AGBL1: variants seen among roughly 807,000 people sequenced by gnomAD.
AGBL1 encodes cytosolic carboxypeptidase 4.
A neutral mutation model predicts 118.9 loss-of-function variants in AGBL1; 130 were observed. The ratio of observed to expected loss-of-function variants is 1.09; its 90% confidence interval spans 0.95 to 1.26. The LOEUF is 1.26. Ranked by LOEUF, AGBL1 falls within the 50% of genes most tolerant of loss-of-function variation. The pLI, the probability that AGBL1 is intolerant of heterozygous loss-of-function variation, is 0.00. For synonymous variants in AGBL1, 555 were observed against 478.9 expected (o/e 1.16, Z -2.08); for missense variants, 1,584 against 1,298.1 (o/e 1.22, Z -3.38).
intron 17 of AGBL1, among the ~76,000 whole-genome samples, chr15:86,333,025 G>A (rs749164203): frequency 3.3e-5 from 5 of 152,076 alleles, no homozygotes; most frequent in Non-Finnish European, 5.9e-5. Flanking sequence ...AAAATCTTTG[G>A]TATATAGCAA....
At chr15:86,973,282 C>T (rs1453216008) in intron 23 of AGBL1, among the ~76,000 whole-genome samples, 1 of 152,010 alleles carries the variant, frequency 6.6e-6, no homozygotes, top group East Asian at 1.9e-4. Context: ...TATCATCTTC[C>T]TAATGATTTT....
At position 86,294,961 on chromosome 15, in the gene AGBL1, C is replaced by T. The variant is rs7497993; in HGVS notation, c.2221-294C>T. Among the ~76,000 whole-genome samples, 421 of 152,258 alleles carry T rather than the reference C, an allele frequency of 2.8e-3. 6 individuals carry two copies. Among genetic ancestry groups the T allele is most frequent in the African/African-American group, 9.4e-3 (392 of 41,548 alleles). On this transcript the variant is annotated intron_variant, in intron 16 of 22. Coordinates refer to ENST00000614907, the MANE Select transcript of AGBL1 (RefSeq NM_001386094.1). The stretch of plus-strand genomic sequence containing the variant: ...TCTGTGATTTCCTCGTATGTCACAG[C>T]GATAGGAAGAGGGCTTTATGCCCCT...
intron 7 of AGBL1, among the ~76,000 whole-genome samples, chr15:86,252,882 C>T (rs1308727716): frequency 6.6e-6 from 1 of 152,188 alleles, no homozygotes; most frequent in African/African-American, 2.4e-5. Context: ...AGCTACGCCA[C>T]ATCTGCCCTT....
chr15:86,268,609 A>AT (rs1227076645), intron 13 of AGBL1, among the ~76,000 whole-genome samples: 1 of 152,148 alleles, frequency 6.6e-6, no homozygotes, highest in Non-Finnish European at 1.5e-5. Flanking sequence ...TGGGTAAGGA[A>AT]TTTTTTATGA....
At chr15:86,111,927 C>T (rs1023983318) in intron 1 of AGBL1, among the ~76,000 whole-genome samples, 2 of 152,180 alleles carry the variant, frequency 1.3e-5, no homozygotes, top group African/African-American at 4.8e-5. Context: ...GCATTAGATT[C>T]TCATAGGAGC....
intron 9 of AGBL1, among the ~76,000 whole-genome samples, chr15:86,259,912 G>T (rs35283417): frequency 0.046 from 6,946 of 152,340 alleles, 193 homozygotes; most frequent in Middle Eastern, 0.099. Flanking sequence ...TGGGAGGGAG[G>T]GTGTTCAGAT....
At chr15:86,121,911 C>T (rs138722634) in intron 1 of AGBL1, among the ~76,000 whole-genome samples, 6 of 152,268 alleles carry the variant, frequency 3.9e-5, no homozygotes, top group Non-Finnish European at 5.9e-5. Flanking sequence ...TAAAATGAAA[C>T]AAATTTGGCT....
chr15:86,246,313 T>G (rs1321682992), intron 6 of AGBL1, among the ~76,000 whole-genome samples: 1 of 152,310 alleles, frequency 6.6e-6, no homozygotes, highest in African/African-American at 2.4e-5. Context: ...ACAGAAGTGT[T>G]TCTGTCGTTA....
chr15:86,788,834 G>A (rs1019142001), intron 22 of AGBL1, among the ~76,000 whole-genome samples: 20 of 152,188 alleles, frequency 1.3e-4, no homozygotes, highest in Admixed American at 1.1e-3. Context: ...AGAATCAGAC[G>A]TACAAAATTC....
At chr15:86,187,518 T>C (rs894341140) in intron 5 of AGBL1, among the ~76,000 whole-genome samples, 1 of 152,190 alleles carries the variant, frequency 6.6e-6, no homozygotes, top group African/African-American at 2.4e-5. Flanking sequence ...TCATTGACCC[T>C]AAGCAACTTT....
At chr15:86,166,084 A>G (rs973715307) in intron 5 of AGBL1, among the ~76,000 whole-genome samples, 3 of 152,190 alleles carry the variant, frequency 2.0e-5, no homozygotes, top group East Asian at 1.9e-4. Flanking sequence ...CATCTCCTTC[A>G]TCTTAAAATG....
intron 17 of AGBL1, among the ~76,000 whole-genome samples, chr15:86,327,766 C>T (rs1302789552): frequency 6.6e-6 from 1 of 152,138 alleles, no homozygotes; most frequent in Admixed American, 6.5e-5. Flanking sequence ...TACAAATGAA[C>T]CTTAGGCAGG....
At chr15:86,713,258 T>G (rs7163674) in intron 22 of AGBL1, among the ~76,000 whole-genome samples, 73,955 of 151,974 alleles carry the variant, frequency 0.49, 19,220 homozygotes, top group African/African-American at 0.67. Context: ...GCAGCATGTT[T>G]ATAGAAGAGT....
chr15:86,710,859 C>T lies in AGBL1; in HGVS notation c.3158+36423C>T, dbSNP rs150473969. Among the ~76,000 whole-genome samples the T allele has an allele frequency of 9.3e-4, 142 of 152,310 alleles. 1 individual carries two copies. The highest frequency in any genetic ancestry group is 3.2e-3 in the African/African-American group (134 of 41,566). On this transcript the variant is annotated intron_variant, in intron 22 of 22. Transcript: ENST00000614907. ...GGTCAAATATTAGCACTGCCAATTA[C>T]TGACTTTGTGACAAGTCACAGTCTT... is the stretch of plus-strand genomic sequence containing the variant.
chr15:87,014,583 C>T (rs1295990873), intron 24 of AGBL1, among the ~76,000 whole-genome samples: 1 of 152,106 alleles, frequency 6.6e-6, no homozygotes, highest in African/African-American at 2.4e-5. Flanking sequence ...ATTATGATTA[C>T]CTCTTAAGAA....
intron 24 of AGBL1, among the ~76,000 whole-genome samples, chr15:87,016,235 T>C (rs926550004): frequency 5.0e-5 from 7 of 140,958 alleles, no homozygotes; most frequent in Middle Eastern, 3.6e-3. Context: ...GGCCCAGGAA[T>C]TGGGATTTTT....
intron 16 of AGBL1, among the ~76,000 whole-genome samples, chr15:86,282,362 A>G (rs1015104969): frequency 2.6e-5 from 4 of 152,138 alleles, no homozygotes; most frequent in African/African-American, 9.7e-5. Context: ...GTTACTATTA[A>G]TTACAATAAG....
At chr15:86,744,589 A>G (rs2141242179) in intron 22 of AGBL1, among the ~76,000 whole-genome samples, 1 of 152,268 alleles carries the variant, frequency 6.6e-6, no homozygotes, top group South Asian at 2.1e-4. Context: ...ACCTTTCTTT[A>G]TAGATCAACA....
chr15:86,754,694 A>G (rs191865243), intron 22 of AGBL1, among the ~76,000 whole-genome samples: 262 of 152,176 alleles, frequency 1.7e-3, no homozygotes, highest in African/African-American at 5.9e-3. Flanking sequence ...CCGGTGTTCA[A>G]TTGTGGCTGT....
Sources: gnomAD v4.1 joint callset for allele counts (sites outside exome capture counted in the v4.1 genomes callset) on GRCh38, gnomAD v4.1.1 for gene constraint, MANE v1.5 for transcripts, NCBI Gene and HGNC (gene_info 2026-07-23, HGNC 2026-07-21) for gene names.